The following RSAD1 variants were observed in gnomAD, a reference collection of about 807,000 sequenced individuals.
The protein encoded by RSAD1 is radical S-adenosyl methionine domain containing 1.
In RSAD1, 34 loss-of-function variants were observed where a neutral mutation model predicts 46.2. The ratio of observed to expected loss-of-function variants is 0.74; its 90% CI spans 0.56 to 0.98. The LOEUF is 0.98. Among genes scored for constraint, RSAD1 ranks in the 50% least tolerant of loss-of-function variants. The pLI, the probability that RSAD1 is intolerant of heterozygous loss-of-function variation, is 0.00. For missense variants in RSAD1, 635 were observed against 592.3 expected, an observed-to-expected ratio of 1.07 and a Z score of -0.75; for synonymous variants, 260 against 253.5, an observed-to-expected ratio of 1.03 and a Z score of -0.24.
chr17:50,479,901 TG>T lies in RSAD1; in HGVS notation c.297del (p.Thr100ProfsTer4). On this transcript the variant is annotated frameshift_variant, in exon 3 of 9. Coordinates refer to ENST00000258955, the MANE Select transcript of RSAD1 (RefSeq NM_018346.3). LOFTEE classifies it high-confidence loss of function. ...CCAGGGTGGAGTCTGTGTTCTTTGG[TG>T]GGGGGACCCCCAGTCTAGCCAGTCC... ...VQRVESVFFG[G>X]GTPSLASPHT... The T allele has an allele frequency of 6.2e-7, 1 of 1,613,514 alleles. No homozygotes were observed. The highest frequency in any genetic ancestry group is 8.5e-7 in the Non-Finnish European group (1 of 1,179,568).
Position 50,483,211 on chromosome 17 carries a change from A to AAGAAAGAAAGAAAGAAAAGAAAGAC in RSAD1, c.905-128_905-127insGAAAGAAAGAAAGAAAAGAAAGACA, listed in dbSNP as rs376878139. On this transcript the variant is annotated intron_variant, in intron 5 of 8. Transcript: ENST00000258955. ...AAAAAAAGAAAGAAAGAAAGAAAGA[A>AAGAAAGAAAGAAAGAAAAGAAAGAC]AAGAAAAGAAAAATAATTTATATTT... The AAGAAAGAAAGAAAGAAAAGAAAGAC allele has an allele frequency of 2.7e-5, 26 of 964,736 alleles. No individual in the cohort carries two copies. The African/African-American group carries it at 5.2e-4, about 19-fold the overall frequency. The allele number at this position is 964,736 out of a possible 1,614,324, so 59.8% of individuals were successfully genotyped here.
intron 3 of RSAD1, 186 bp downstream of exon 3, chr17:50,480,270 A>G: frequency 1.6e-6 from 1 of 626,796 alleles, no homozygotes; most frequent in Admixed American, 2.7e-5. Flanking sequence ...CACAGACTTT[A>G]TGAGAAAGGG....
At chr17:50,479,410 GAGGCAGCGTAACAA>G in intron 1 of RSAD1, 1 of 559,712 alleles carries the variant, frequency 1.8e-6, no homozygotes, top group Non-Finnish European at 3.1e-6. Flanking sequence ...CTGGTTGGAA[GAGGCAGCGTAACAA>G]AGGAGTGAGC....
intron 6 of RSAD1, 78 bp downstream of exon 6, chr17:50,483,565 T>G: frequency 1.3e-6 from 2 of 1,586,678 alleles, no homozygotes; most frequent in Non-Finnish European, 8.6e-7. Context: ...ATCTTTTATT[T>G]CCTGTCTTGT....
At chr17:50,483,599 C>T (rs2033412764) in intron 6 of RSAD1, 107 bp from the exon 7 acceptor site, 1 of 1,589,354 alleles carries the variant, frequency 6.3e-7, no homozygotes, top group Non-Finnish European at 8.6e-7. Context: ...TTGCCACATA[C>T]TGTATGGTCC....
Position 50,484,976 on chromosome 17 carries a change from T to A in RSAD1, c.*115T>A. The A allele has an allele frequency of 3.7e-6, 3 of 811,362 alleles. No individual in the cohort carries two copies. Among genetic ancestry groups the A allele is most frequent in the Non-Finnish European group, 6.1e-6 (3 of 488,640 alleles). The allele number at this position is 811,362 out of a possible 1,614,324, so 50.3% of individuals were successfully genotyped here. A position where few individuals can be genotyped will look rare whatever the true frequency, so the allele number is the denominator to read the frequency against. ...CGTCTCTGCTCCTTGTGGTTATTGC[T>A]CAGCCCTGGCATCCCCAGGGGAATG... On this transcript the variant is annotated 3_prime_UTR_variant, in exon 9 of 9. Coordinates refer to ENST00000258955, the MANE Select transcript of RSAD1 (RefSeq NM_018346.3).
At chr17:50,479,571 T>G in intron 1 of RSAD1, 58 bp from the exon 2 acceptor site, 1 of 1,607,260 alleles carries the variant, frequency 6.2e-7, no homozygotes. Flanking sequence ...TGTGTGCGAC[T>G]GAACCCTGGA....
intron 6 of RSAD1, 69 bp downstream of exon 6, chr17:50,483,556 T>G: frequency 6.3e-7 from 1 of 1,592,042 alleles, no homozygotes; most frequent in Non-Finnish European, 8.6e-7. Context: ...TATTTGTATA[T>G]CTTTTATTTC....
intron 3 of RSAD1, among the ~76,000 whole-genome samples, chr17:50,481,834 C>T (rs1401738765): frequency 6.6e-6 from 1 of 152,174 alleles, no homozygotes; most frequent in African/African-American, 2.4e-5. Context: ...CACCTCTGAA[C>T]CTCAGTTTTC....
chr17:50,483,526 C>T, intron 6 of RSAD1, 39 bp downstream of exon 6: 1 of 1,606,220 alleles, frequency 6.2e-7, no homozygotes, highest in Non-Finnish European at 8.5e-7. Context: ...TCCAGGATCC[C>T]CACACCCCAA....
Position 50,482,450 on chromosome 17 carries a change from C to T in RSAD1, c.834C>T (p.Ala278=), listed in dbSNP as rs1031798183. The T allele has an allele frequency of 4.4e-6, 7 of 1,588,758 alleles. No homozygotes were observed. In the African/African-American group the frequency reaches 6.7e-5, roughly 15 times the overall value. The change falls in exon 4 of 9, where the codon GCC becomes GCT. Residue 278 remains alanine (A), a synonymous_variant. Coordinates refer to ENST00000258955, the MANE Select transcript of RSAD1 (RefSeq NM_018346.3). ...GFHQYEVSNF[A]RNGALSTHNW... is the part of the protein sequence containing the mutation. The stretch of plus-strand genomic sequence containing the variant: ...ACCAGTATGAGGTCTCCAACTTTGC[C>T]CGGAATGTAAGTTCTGGGGCTGATG...
chr17:50,480,179 G>A (rs774437693), intron 3 of RSAD1, 95 bp downstream of exon 3: 90 of 1,323,850 alleles, frequency 6.8e-5, no homozygotes, highest in Non-Finnish European at 8.8e-5. Flanking sequence ...CATTGATTGA[G>A]CACCTTCTGG....
chr17:50,482,043 G>C, intron 3 of RSAD1, 48 bp from the exon 4 acceptor site: 1 of 1,484,774 alleles, frequency 6.7e-7, no homozygotes, highest in Non-Finnish European at 9.0e-7. Context: ...GAGGGTTCTT[G>C]TCTCTCTCTG....
At position 50,479,621 on chromosome 17, in the gene RSAD1, G is replaced by GC; in HGVS notation, c.136-3dup. ...CTCTCACCGCGCACGTGCACTCACT[G>GC]CCCCCAGTGGCCTTACTGCGAGAAG... On this transcript the variant is annotated splice_region_variant and splice_polypyrimidine_tract_variant and intron_variant, in intron 1 of 8. Transcript: ENST00000258955. The GC allele has an allele frequency of 6.2e-7, 1 of 1,613,506 alleles. No individual in the cohort carries two copies. The highest frequency in any genetic ancestry group is 8.5e-7 in the Non-Finnish European group (1 of 1,180,024).
rs746013376 is a variant in RSAD1, at chr17:50,483,740, G to A, written c.1087G>A (p.Asp363Asn). The A allele has an allele frequency of 1.7e-5, 28 of 1,611,128 alleles. No individual in the cohort carries two copies. Among genetic ancestry groups the A allele is most frequent in the Middle Eastern group, 1.7e-4 (1 of 6,054 alleles). Residue 363 changes from aspartate to asparagine, a missense_variant, in exon 7 of 9, where the codon GAT becomes AAT. Asp to Asn is a conservative substitution (Grantham distance 23). Coordinates refer to ENST00000258955, the MANE Select transcript of RSAD1 (RefSeq NM_018346.3). ...AGTTTTGGCCCTGGGGCTACGCACCGATGTGGGGATCACTCACCAGGTAAG... is the reference window on the plus strand; with the variant it reads ...AGTTTTGGCCCTGGGGCTACGCACCAATGTGGGGATCACTCACCAGGTAAG... ...EEVLALGLRT[D>N]VGITHQHWQQ... is the part of the protein sequence containing the mutation.
intron 3 of RSAD1, 150 bp downstream of exon 3, chr17:50,480,234 CTTAA>C (rs1402112459): frequency 2.8e-6 from 2 of 721,414 alleles, no homozygotes; most frequent in African/African-American, 1.8e-5. Flanking sequence ...TTTATAACTC[CTTAA>C]TTGTCTGCTG....
Position 50,482,119 on chromosome 17 carries a change from T to C in RSAD1, c.503T>C (p.Leu168Ser). ...QSLDDTELRL[L>S]GRTHSACDAL... ...CTAGATGACACTGAGCTCCGGCTGT[T>C]GGGACGGACGCACTCGGCCTGCGAT... Residue 168 changes from leucine to serine, a missense_variant, in exon 4 of 9, where the codon TTG becomes TCG. Coordinates refer to ENST00000258955, the MANE Select transcript of RSAD1 (RefSeq NM_018346.3). 6.3e-7 allele frequency: 1 copy of C among 1,583,892 alleles called. No homozygotes were observed.
chr17:50,478,896 C>G lies in RSAD1; in HGVS notation c.12C>G (p.Pro4=). 7.6e-7 allele frequency: 1 copy of G among 1,312,424 alleles called. No individual in the cohort carries two copies. The highest frequency in any genetic ancestry group is 9.6e-7 in the Non-Finnish European group (1 of 1,038,464). 81.3% of individuals were successfully genotyped at this position (1,312,424 alleles called of 1,614,324 possible). The change falls in exon 1 of 9, where the codon CCC becomes CCG. Residue 4 remains proline, a synonymous_variant. Transcript: ENST00000258955. MAL[P]GARARGWAAA... is the part of the protein sequence containing the mutation. ...CTGCGCTGGGCGCCATGGCGCTCCC[C>G]GGAGCCCGGGCTCGCGGCTGGGCGG...
Position 50,482,279 on chromosome 17 carries a change from C to A in RSAD1, c.663C>A (p.Asp221Glu). Residue 221 changes from aspartate to glutamate, a missense_variant, in exon 4 of 9, where the codon GAC becomes GAA. Physicochemically the swap from Asp to Glu is conservative, Grantham distance 45. Coordinates refer to ENST00000258955, the MANE Select transcript of RSAD1 (RefSeq NM_018346.3). ...AGGAACTGCTGCACCACTGTGATGA[C>A]CACCTCTCCCTCTACCAGCTGTCCC... ...QLQELLHHCD[D>E]HLSLYQLSLE... 1 of 1,595,906 alleles carries A rather than the reference C, an allele frequency of 6.3e-7. No homozygotes were observed. Among genetic ancestry groups the A allele is most frequent in the Non-Finnish European group, 8.6e-7 (1 of 1,169,050 alleles).
Sources: allele counts gnomAD v4.1 joint callset (sites outside exome capture counted in the v4.1 genomes callset), GRCh38; gene constraint gnomAD v4.1.1; transcripts MANE v1.5; gene names NCBI Gene and HGNC (gene_info 2026-07-23, HGNC 2026-07-21).